The following FER1L6 variants were observed in gnomAD, a reference collection of about 807,000 sequenced individuals.
FER1L6 encodes fer-1 like family member 6, also known as fer-1-like protein 6.
A neutral mutation model predicts 219.2 loss-of-function variants in FER1L6; 177 were observed. The ratio of observed to expected loss-of-function variants is 0.81; its 90% CI spans 0.71 to 0.91. The LOEUF is 0.91. Ranked by LOEUF, FER1L6 falls within the 40% of genes least tolerant of loss-of-function variation. FER1L6 has a pLI of 0.00. For synonymous variants in FER1L6, 768 were observed against 824.3 expected (o/e 0.93, Z 1.17); for missense variants, 2,153 against 2,259.9 (o/e 0.95, Z 0.96).
At chr8:123,978,419 A>G (rs548962558) in intron 10 of FER1L6, among the ~76,000 whole-genome samples, 1 of 152,066 alleles carries the variant, frequency 6.6e-6, no homozygotes, top group African/African-American at 2.4e-5. Flanking sequence ...TAGCTCAGCT[A>G]ATCCACTGAG....
intron 12 of FER1L6, among the ~76,000 whole-genome samples, chr8:123,994,311 A>G (rs1298325884): frequency 1.3e-5 from 2 of 152,178 alleles, no homozygotes; most frequent in Non-Finnish European, 2.9e-5. Context: ...TGTCAAGTCC[A>G]TGCTCTGGCT....
Position 124,027,093 on chromosome 8 carries a change from C to G in FER1L6, c.2286+3497C>G, listed in dbSNP as rs149081294. Among the ~76,000 whole-genome samples, 512 of 152,226 alleles carry G rather than the reference C, an allele frequency of 3.4e-3. 2 individuals are homozygous for G. The highest frequency in any genetic ancestry group is 3.9e-3 in the Non-Finnish European group (262 of 68,026). ...CCTTCATATGATATTATTTTTGTGA[C>G]TCCAGTCATATGGGATTAGGGACCT... is the stretch of plus-strand genomic sequence containing the variant. On this transcript the variant is annotated intron_variant, in intron 18 of 40. Transcript: ENST00000522917.
At chr8:124,023,147 C>T (rs1292176996) in intron 17 of FER1L6, among the ~76,000 whole-genome samples, 2 of 152,146 alleles carry the variant, frequency 1.3e-5, no homozygotes, top group Admixed American at 1.3e-4. Context: ...GAACTCCTGA[C>T]CTCATGATCC....
chr8:124,030,123 T>C (rs1312877225), intron 18 of FER1L6, among the ~76,000 whole-genome samples: 1 of 152,204 alleles, frequency 6.6e-6, no homozygotes, highest in Non-Finnish European at 1.5e-5. Flanking sequence ...CATTGGTCTA[T>C]ATGTCTGTTT....
intron 22 of FER1L6, among the ~76,000 whole-genome samples, chr8:124,056,757 A>G (rs1206717546): frequency 1.3e-5 from 2 of 152,162 alleles, no homozygotes; most frequent in African/African-American, 4.8e-5. Context: ...ATTATTAAGA[A>G]CTTCCAGGCC....
At chr8:123,903,815 C>A (rs1179368447) in intron 1 of FER1L6, among the ~76,000 whole-genome samples, 1 of 152,138 alleles carries the variant, frequency 6.6e-6, no homozygotes, top group Non-Finnish European at 1.5e-5. Context: ...CTGGGGAAGG[C>A]AAATTATAGC....
At chr8:124,002,024 C>T (rs527531580) in intron 12 of FER1L6, among the ~76,000 whole-genome samples, 6 of 152,140 alleles carry the variant, frequency 3.9e-5, no homozygotes, top group Non-Finnish European at 7.3e-5. Flanking sequence ...GGGAGACCAG[C>T]TACAGCCTGA....
intron 1 of FER1L6, among the ~76,000 whole-genome samples, chr8:123,954,900 C>T (rs183251979): frequency 6.6e-6 from 1 of 152,338 alleles, no homozygotes; most frequent in East Asian, 1.9e-4. Context: ...CAAATGTTCA[C>T]TTCCTTGTTC....
chr8:123,951,946 C>G lies in FER1L6; in HGVS notation c.-7-4046C>G, dbSNP rs866864506. On this transcript the variant is annotated intron_variant, in intron 1 of 40. Transcript: ENST00000522917. ...TTTGGCCATTTGGCCTGAGCTGCCT[C>G]CATTCTGCAGTGAAGGTGGAGAAGG... 1.8e-4 allele frequency among the ~76,000 whole-genome samples: 28 copies of G among 152,262 alleles called. 1 individual carries two copies. Among genetic ancestry groups the G allele is most frequent in the Middle Eastern group, 3.4e-3 (1 of 294 alleles).
rs767275946 is a variant in FER1L6, at chr8:124,082,400, G to A, written c.4333G>A (p.Glu1445Lys). 2.6e-5 allele frequency: 42 copies of A among 1,613,966 alleles called. No homozygotes were observed. In the South Asian group the frequency reaches 4.3e-4, roughly 16 times the overall value. ...TATTGGTGAGACCAAGATCGACCTG[G>A]AGAACCGCTTCTACAGCAAACACCG... is the stretch of plus-strand genomic sequence containing the variant. ...DLIGETKIDLENRFYSKHRAI... is the reference protein window; with the variant it reads ...DLIGETKIDLKNRFYSKHRAI... Residue 1445 changes from glutamate (E) to lysine (K), a missense_variant, in exon 33 of 41, where the codon GAG becomes AAG. Physicochemically the swap from Glu to Lys is moderately conservative, Grantham distance 56. Coordinates refer to ENST00000522917, the MANE Select transcript of FER1L6 (RefSeq NM_001039112.2).
At chr8:123,890,978 G>A (rs1367941331) in intron 1 of FER1L6, among the ~76,000 whole-genome samples, 1 of 152,038 alleles carries the variant, frequency 6.6e-6, no homozygotes, top group African/African-American at 2.4e-5. Flanking sequence ...TGGGTACAAA[G>A]TTTTAATGTT....
chr8:124,010,058 C>CAAATTAATTACTTAATTA, intron 13 of FER1L6, among the ~76,000 whole-genome samples: 1 of 144,742 alleles, frequency 6.9e-6, no homozygotes, highest in Non-Finnish European at 1.5e-5. Context: ...ACCCAGGCAG[C>CAAATTAATTACTTAATTA]AGCAATGTTG....
At chr8:123,956,647 C>T (rs1170766381) in intron 2 of FER1L6, among the ~76,000 whole-genome samples, 1 of 152,200 alleles carries the variant, frequency 6.6e-6, no homozygotes, top group African/African-American at 2.4e-5. Context: ...AATAAAAATG[C>T]ACAGCAGTTG....
chr8:123,928,540 G>C (rs1813651876), intron 1 of FER1L6, among the ~76,000 whole-genome samples: 1 of 152,216 alleles, frequency 6.6e-6, no homozygotes, highest in African/African-American at 2.4e-5. Flanking sequence ...TGGATGAGTA[G>C]TGTCTGTGTC....
At chr8:124,038,797 C>T (rs1361476253) in intron 19 of FER1L6, among the ~76,000 whole-genome samples, 1 of 152,072 alleles carries the variant, frequency 6.6e-6, no homozygotes, top group African/African-American at 2.4e-5. Context: ...GGTATTTGTA[C>T]CCTTAATTTA....
intron 1 of FER1L6, among the ~76,000 whole-genome samples, chr8:123,905,944 A>C (rs555641365): frequency 6.6e-6 from 1 of 152,284 alleles, no homozygotes; most frequent in African/African-American, 2.4e-5. Flanking sequence ...TTTTGAAGGG[A>C]TATTGCATTG....
chr8:124,087,166 T>C (rs1238932940), intron 33 of FER1L6, among the ~76,000 whole-genome samples: 1 of 152,066 alleles, frequency 6.6e-6, no homozygotes, highest in African/African-American at 2.4e-5. Flanking sequence ...AACTTTCTAC[T>C]CTGATCTCTC....
At chr8:123,930,531 A>C (rs1813727894) in intron 1 of FER1L6, among the ~76,000 whole-genome samples, 1 of 152,310 alleles carries the variant, frequency 6.6e-6, no homozygotes, top group East Asian at 1.9e-4. Flanking sequence ...GGCAGGACTT[A>C]ATGGTGAGCA....
intron 1 of FER1L6, among the ~76,000 whole-genome samples, chr8:123,898,706 C>A (rs537194287): frequency 7.3e-6 from 1 of 136,948 alleles, no homozygotes; most frequent in East Asian, 2.0e-4. Context: ...TATGTGTATA[C>A]GTATATACGT....
Sources: allele counts gnomAD v4.1 joint callset (sites outside exome capture counted in the v4.1 genomes callset), GRCh38; gene constraint gnomAD v4.1.1; transcripts MANE v1.5; gene names NCBI Gene and HGNC (gene_info 2026-07-23, HGNC 2026-07-21).